The following SLC25A21 variants were observed in gnomAD, a reference collection of about 807,000 sequenced individuals.
SLC25A21 encodes mitochondrial 2-oxodicarboxylate carrier.
SLC25A21 carries 47 observed loss-of-function variants against 43.8 expected under a neutral mutation model. That is an observed-to-expected ratio of 1.07 (90% confidence interval 0.85 to 1.37). The LOEUF (loss-of-function observed/expected upper bound fraction) is 1.37. Among genes scored for constraint, SLC25A21 ranks in the 40% most tolerant of loss-of-function variants. SLC25A21 has a pLI of 0.00. For missense variants in SLC25A21, 352 were observed against 350.2 expected (o/e 1.00, Z -0.04); for synonymous variants, 131 against 121.3 (o/e 1.08, Z -0.52).
chr14:36,720,894 G>A (rs547500774), intron 6 of SLC25A21, among the ~76,000 whole-genome samples: 4 of 152,270 alleles, frequency 2.6e-5, no homozygotes, highest in East Asian at 1.9e-4. Flanking sequence ...CTGCCAGTCC[G>A]TAAGCCTTGA....
chr14:36,866,527 C>T (rs538360103), intron 2 of SLC25A21, among the ~76,000 whole-genome samples: 5 of 152,248 alleles, frequency 3.3e-5, no homozygotes, highest in Admixed American at 1.3e-4. Context: ...TTTCGAATGC[C>T]ACTTTCTCCA....
chr14:37,098,093 G>A (rs1273089358), intron 1 of SLC25A21: 1 of 152,160 alleles, frequency 6.6e-6, no homozygotes, highest in African/African-American at 2.4e-5. Flanking sequence ...TTCAGGAAGT[G>A]TATACCAAAA....
intron 7 of SLC25A21, among the ~76,000 whole-genome samples, chr14:36,701,533 A>C (rs1176143705): frequency 1.3e-5 from 2 of 152,198 alleles, no homozygotes; most frequent in Admixed American, 1.3e-4. Context: ...AAAGTATTGT[A>C]AAATGTAGAA....
intron 1 of SLC25A21, among the ~76,000 whole-genome samples, chr14:37,162,400 G>A (rs1963959835): frequency 6.6e-6 from 1 of 152,184 alleles, no homozygotes; most frequent in Admixed American, 6.5e-5. Context: ...ATCTAACAAA[G>A]GGCTAATATC....
chr14:36,783,550 G>T (rs1818275292), intron 3 of SLC25A21, among the ~76,000 whole-genome samples: 1 of 152,138 alleles, frequency 6.6e-6, no homozygotes, highest in African/African-American at 2.4e-5. Context: ...ACATAGCTGG[G>T]AGAGCCAGGC....
intron 1 of SLC25A21, among the ~76,000 whole-genome samples, chr14:37,146,630 T>C (rs1963669906): frequency 1.3e-5 from 2 of 152,216 alleles, no homozygotes; most frequent in Admixed American, 6.5e-5. Context: ...ATAAATGATG[T>C]CATTATTTTA....
At chr14:37,135,193 G>T (rs529829052) in intron 1 of SLC25A21, among the ~76,000 whole-genome samples, 1 of 152,074 alleles carries the variant, frequency 6.6e-6, no homozygotes, top group African/African-American at 2.4e-5. Context: ...CTCCCAAAGT[G>T]CTGGGATTTC....
rs1011260360 is a variant in SLC25A21 at position 36,684,832 on chromosome 14, T to C, written c.697A>G (p.Ser233Gly). The C allele has an allele frequency of 1.2e-6, 2 of 1,614,132 alleles. No individual in the cohort carries two copies. Among genetic ancestry groups the C allele is most frequent in the Non-Finnish European group, 1.7e-6 (2 of 1,179,998 alleles). Residue 233 changes from serine (S) to glycine (G), a missense_variant, in exon 8 of 10, where the codon AGT becomes GGT. Transcript: ENST00000331299. ...ACTGGTTGAGGCCCTTGAATCCTAC[T>C]TTTGGCAACATCAAAAGGGATGTTA... Reference protein sequence around the residue: ...VINIPFDVAKSRIQGPQPVPG... With the variant: ...VINIPFDVAKGRIQGPQPVPG...
rs1446755880 is a variant in SLC25A21, at chr14:37,098,774, C to CAGATAGATAGATAGAT, written c.70+73506_70+73507insATCTATCTATCTATCT. On this transcript the variant is annotated intron_variant, in intron 1 of 9. Transcript: ENST00000331299. ...ACAGACAGACAGACAGACAGACAGACAGACAGACAGACAGATAGATAGATA... is the reference window on the plus strand; with the variant it reads ...ACAGACAGACAGACAGACAGACAGACAGATAGATAGATAGATAGACAGACAGACAGATAGATAGATA... Among the ~76,000 whole-genome samples the CAGATAGATAGATAGAT allele has an allele frequency of 4.3e-4, 52 of 119,998 alleles. 1 individual carries two copies. Among genetic ancestry groups the CAGATAGATAGATAGAT allele is most frequent in the African/African-American group, 1.7e-3 (47 of 27,702 alleles). 78.7% of individuals were successfully genotyped at this position (119,998 alleles called of 152,430 possible).
intron 7 of SLC25A21, among the ~76,000 whole-genome samples, chr14:36,704,940 C>T (rs566312865): frequency 1.3e-5 from 2 of 152,054 alleles, no homozygotes; most frequent in East Asian, 3.9e-4. Flanking sequence ...CACAGAAAGT[C>T]GGGATATTTT....
chr14:36,875,387 G>C (rs1167058297), intron 1 of SLC25A21, among the ~76,000 whole-genome samples: 1 of 152,128 alleles, frequency 6.6e-6, no homozygotes, highest in Non-Finnish European at 1.5e-5. Context: ...GAGGCTCTTT[G>C]AATCTCTCCC....
At chr14:36,879,558 G>A (rs1421963331) in intron 1 of SLC25A21, among the ~76,000 whole-genome samples, 1 of 152,010 alleles carries the variant, frequency 6.6e-6, no homozygotes, top group Non-Finnish European at 1.5e-5. Flanking sequence ...CCTACCACAG[G>A]CACAAAAATG....
At position 36,679,234 on chromosome 14, in the gene SLC25A21, T is replaced by C; in HGVS notation, c.*1424A>G. On this transcript the variant is annotated 3_prime_UTR_variant, in exon 10 of 10. Coordinates refer to ENST00000331299, the MANE Select transcript of SLC25A21 (RefSeq NM_030631.4). ...ATGACCCTTTTATTGAATATTGGAC[T>C]GAAATATAAATTTTAAAAAACACGT... is the stretch of plus-strand genomic sequence containing the variant. The C allele has an allele frequency of 4.1e-6, 4 of 984,416 alleles. No individual in the cohort carries two copies. The highest frequency in any genetic ancestry group is 4.7e-5 in the South Asian group (1 of 21,252). The allele number at this position is 984,416 out of a possible 1,614,324, so 61.0% of individuals were successfully genotyped here.
chr14:37,019,308 T>C (rs1432255514), intron 1 of SLC25A21, among the ~76,000 whole-genome samples: 2 of 151,832 alleles, frequency 1.3e-5, no homozygotes, highest in African/African-American at 4.8e-5. Flanking sequence ...TACTTTGCCC[T>C]CTAGGCCTTA....
At chr14:36,980,156 T>C (rs895501539) in intron 1 of SLC25A21, among the ~76,000 whole-genome samples, 1 of 152,228 alleles carries the variant, frequency 6.6e-6, no homozygotes, top group African/African-American at 2.4e-5. Context: ...TAACCCGACC[T>C]TTCTCTCTGG....
intron 2 of SLC25A21, among the ~76,000 whole-genome samples, chr14:36,821,677 C>A (rs1433687783): frequency 6.6e-6 from 1 of 151,884 alleles, no homozygotes; most frequent in Non-Finnish European, 1.5e-5. Flanking sequence ...ATTAGCCGGG[C>A]GTGGTGGCAG....
intron 1 of SLC25A21, among the ~76,000 whole-genome samples, chr14:37,015,618 C>A (rs963190713): frequency 1.7e-4 from 25 of 151,502 alleles, no homozygotes; most frequent in African/African-American, 5.8e-4. Context: ...AATCGCCACA[C>A]TGACTTCCAC....
At chr14:37,149,434 T>C (rs1207099745) in intron 1 of SLC25A21, among the ~76,000 whole-genome samples, 1 of 151,974 alleles carries the variant, frequency 6.6e-6, no homozygotes, top group East Asian at 1.9e-4. Flanking sequence ...TTAGGGCAAC[T>C]AAAAACTGCT....
chr14:36,734,745 G>A (rs559329867), intron 3 of SLC25A21, among the ~76,000 whole-genome samples, 172 bp from the exon 4 acceptor site: 1 of 152,250 alleles, frequency 6.6e-6, no homozygotes, highest in African/African-American at 2.4e-5. Context: ...TTAGCATTAT[G>A]ATATTCAGAA....
Sources: gnomAD v4.1 joint callset for allele counts (sites outside exome capture counted in the v4.1 genomes callset) on GRCh38, gnomAD v4.1.1 for gene constraint, MANE v1.5 for transcripts, NCBI Gene and HGNC (gene_info 2026-07-23, HGNC 2026-07-21) for gene names.